UBE2F: variants seen among roughly 807,000 people sequenced by gnomAD.
UBE2F encodes NEDD8-conjugating enzyme UBE2F.
A neutral mutation model predicts 29.6 loss-of-function variants in UBE2F; 5 were observed. The ratio of observed to expected loss-of-function variants is 0.17; its 90% CI spans 0.09 to 0.36. The LOEUF (loss-of-function observed/expected upper bound fraction) is 0.36. UBE2F is among the 10% of genes least tolerant of loss of function. The probability of loss-of-function intolerance (pLI) is 1.00; values close to 1 mark genes in which losing one functional copy is unlikely to be tolerated. For missense variants in UBE2F, 141 were observed against 228.5 expected, an observed-to-expected ratio of 0.62 and a Z score of 2.47; for synonymous variants, 66 against 81.8, an observed-to-expected ratio of 0.81 and a Z score of 1.04.
chr2:238,018,510 AG>A (rs1442947298), intron 5 of UBE2F, among the ~76,000 whole-genome samples: 1 of 152,134 alleles, frequency 6.6e-6, no homozygotes, highest in East Asian at 1.9e-4. Flanking sequence ...TCTGTGTGCC[AG>A]GTGTCTTGAC....
At chr2:237,973,650 T>C in intron 2 of UBE2F, 1 of 1,302,560 alleles carries the variant, frequency 7.7e-7, no homozygotes, top group Non-Finnish European at 1.0e-6. Flanking sequence ...TTTATTCAGG[T>C]CAAAGCCTAC....
chr2:238,020,824 C>T (rs574034674), intron 5 of UBE2F, among the ~76,000 whole-genome samples: 1 of 152,168 alleles, frequency 6.6e-6, no homozygotes, highest in South Asian at 2.1e-4. Context: ...TGCCAGGCTC[C>T]GTGTCAGACA....
At chr2:237,977,248 G>A (rs78069147) in intron 2 of UBE2F, among the ~76,000 whole-genome samples, 1 of 121,756 alleles carries the variant, frequency 8.2e-6, no homozygotes, top group African/African-American at 3.3e-5. Context: ...GTCTCACAAG[G>A]AGAGGTGCAG....
chr2:237,993,439 G>A (rs1466992011), intron 3 of UBE2F, among the ~76,000 whole-genome samples: 1 of 152,212 alleles, frequency 6.6e-6, no homozygotes, highest in Non-Finnish European at 1.5e-5. Context: ...TAGGCCTGGT[G>A]TGGTGGCCCA....
chr2:237,986,041 T>C lies in UBE2F; in HGVS notation c.119-1922T>C, dbSNP rs2063475438. Reference sequence around the variant, plus strand: ...GCCCATTTTTAATTTTTTTTTGCTATTGAGTTGTGTGATTTCCTTATATAT... The same window carrying C: ...GCCCATTTTTAATTTTTTTTTGCTACTGAGTTGTGTGATTTCCTTATATAT... On this transcript the variant is annotated intron_variant, in intron 2 of 9. Coordinates refer to ENST00000272930, the MANE Select transcript of UBE2F (RefSeq NM_080678.3). The C allele has an allele frequency of 2.8e-5, 6 of 210,782 alleles. No homozygotes were observed. In the South Asian group the frequency reaches 3.2e-4, roughly 11 times the overall value. The allele number at this position is 210,782 out of a possible 1,614,324, so 13.1% of individuals were successfully genotyped here.
intron 4 of UBE2F, among the ~76,000 whole-genome samples, chr2:238,010,116 A>T (rs2063988718): frequency 6.6e-6 from 1 of 151,422 alleles, no homozygotes; most frequent in East Asian, 1.9e-4. Context: ...TTTATTTGTC[A>T]TTTTTTTATA....
At chr2:238,028,264 T>C (rs2064481540) in intron 6 of UBE2F, among the ~76,000 whole-genome samples, 2 of 152,242 alleles carry the variant, frequency 1.3e-5, no homozygotes, top group South Asian at 4.1e-4. Context: ...GCCCTCCTGC[T>C]CTGGCTGTGC....
At chr2:238,012,539 T>C (rs1237703309) in intron 4 of UBE2F, among the ~76,000 whole-genome samples, 3 of 152,238 alleles carry the variant, frequency 2.0e-5, no homozygotes, top group Non-Finnish European at 2.9e-5. Context: ...AAAAATCTTA[T>C]TACATTCTTC....
rs767166412 is a variant in UBE2F, at chr2:238,013,699, C to T, written c.215-2867C>T. Reference sequence around the variant, plus strand: ...AAAAGGTTTGTTTTCCCAGGGCTCTCGGTAATCTTGAAGACACTGGAGTAT... The same window carrying T: ...AAAAGGTTTGTTTTCCCAGGGCTCTTGGTAATCTTGAAGACACTGGAGTAT... On this transcript the variant is annotated intron_variant, in intron 4 of 9. Transcript: ENST00000272930. Among the ~76,000 whole-genome samples, 6 of 152,076 alleles carry T rather than the reference C, an allele frequency of 3.9e-5. No homozygotes were observed. In the South Asian group the frequency reaches 1.0e-3, roughly 26 times the overall value.
At chr2:237,986,058 C>A in intron 2 of UBE2F, 1 of 239,790 alleles carries the variant, frequency 4.2e-6, no homozygotes, top group South Asian at 3.9e-5. Context: ...GTGTGATTTC[C>A]TTATATATTT....
At chr2:238,027,914 G>A (rs1053809612) in intron 6 of UBE2F, among the ~76,000 whole-genome samples, 2 of 152,224 alleles carry the variant, frequency 1.3e-5, no homozygotes, top group Admixed American at 6.5e-5. Flanking sequence ...TGTTGTCCCG[G>A]CAGGGACCCT....
intron 4 of UBE2F, among the ~76,000 whole-genome samples, chr2:237,996,061 C>CT (rs1027622115): frequency 2.0e-5 from 3 of 152,316 alleles, no homozygotes; most frequent in South Asian, 2.1e-4. Flanking sequence ...GATGAAAACT[C>CT]TAACGATCCT....
At chr2:237,979,991 C>T (rs552114993) in intron 2 of UBE2F, among the ~76,000 whole-genome samples, 5 of 152,218 alleles carry the variant, frequency 3.3e-5, no homozygotes, top group Admixed American at 3.3e-4. Flanking sequence ...GGCTGAGGCC[C>T]TGTGTGTGAG....
At chr2:237,968,721 G>A (rs1185821401) in intron 1 of UBE2F, 1 of 347,718 alleles carries the variant, frequency 2.9e-6, no homozygotes, top group East Asian at 1.7e-4. Context: ...CCACCCAGAG[G>A]AGGAACCTAA....
Position 237,999,812 on chromosome 2 carries a change from ATGT to A in UBE2F, c.214+5008_214+5010del, listed in dbSNP as rs1414115086. ...AAATTCATAGATGTTAAGTATTTTG[ATGT>A]TGTTCTTTTTTTTTTTTTTTTTTTT... On this transcript the variant is annotated intron_variant, in intron 4 of 9. Coordinates refer to ENST00000272930, the MANE Select transcript of UBE2F (RefSeq NM_080678.3). Among the ~76,000 whole-genome samples, 1,007 of 121,994 alleles carry A rather than the reference ATGT, an allele frequency of 8.3e-3. 6 individuals carry two copies. Among genetic ancestry groups the A allele is most frequent in the Non-Finnish European group, 0.01 (643 of 61,836 alleles). The allele number at this position is 121,994 out of a possible 152,430, so 80.0% of individuals were successfully genotyped here. A position where few individuals can be genotyped will look rare whatever the true frequency, so the allele number is the denominator to read the frequency against.
At chr2:238,018,388 A>G (rs1223445351) in intron 5 of UBE2F, among the ~76,000 whole-genome samples, 1 of 151,906 alleles carries the variant, frequency 6.6e-6, no homozygotes, top group East Asian at 1.9e-4. Flanking sequence ...TCAGAGAACC[A>G]TTGTTTCAGG....
At chr2:237,981,755 T>C (rs889125073) in intron 2 of UBE2F, among the ~76,000 whole-genome samples, 2 of 150,692 alleles carry the variant, frequency 1.3e-5, no homozygotes, top group African/African-American at 4.9e-5. Context: ...GCCTCCTGAG[T>C]AGCTGGGAGT....
At chr2:238,021,091 A>C (rs966281704) in intron 5 of UBE2F, among the ~76,000 whole-genome samples, 2 of 152,180 alleles carry the variant, frequency 1.3e-5, no homozygotes, top group African/African-American at 4.8e-5. Flanking sequence ...TGGTTGGAGG[A>C]AGCTGTGTGC....
chr2:238,025,470 G>A, intron 6 of UBE2F, 58 bp downstream of exon 6: 2 of 1,457,354 alleles, frequency 1.4e-6, no homozygotes, highest in Non-Finnish European at 1.9e-6. Flanking sequence ...CAAGCGTTGG[G>A]CTTTTAAACA....
Sources: gnomAD v4.1 joint callset for allele counts (sites outside exome capture counted in the v4.1 genomes callset) on GRCh38, gnomAD v4.1.1 for gene constraint, MANE v1.5 for transcripts, NCBI Gene and HGNC (gene_info 2026-07-23, HGNC 2026-07-21) for gene names.